The following AOPEP variants were observed in gnomAD, a reference collection of about 807,000 sequenced individuals.
AOPEP encodes the protein aminopeptidase O.
AOPEP carries 77 observed loss-of-function variants against 98.1 expected under a neutral mutation model. That is an observed-to-expected ratio of 0.78 (90% CI 0.65 to 0.95). The LOEUF is 0.95. Ranked by LOEUF, AOPEP falls within the 40% of genes least tolerant of loss-of-function variation. The probability of loss-of-function intolerance (pLI) is 0.00; values close to 1 mark genes in which losing one functional copy is unlikely to be tolerated. For synonymous variants in AOPEP, 346 were observed against 365.3 expected, an observed-to-expected ratio of 0.95 and a Z score of 0.60; for missense variants, 1,024 against 1,024.7, an observed-to-expected ratio of 1.00 and a Z score of 0.01.
At chr9:95,080,022 G>A (rs905331770) in intron 14 of AOPEP, among the ~76,000 whole-genome samples, 3 of 152,188 alleles carry the variant, frequency 2.0e-5, no homozygotes, top group African/African-American at 7.2e-5. Context: ...CTTAAGGAGT[G>A]GTGATTTGAA....
intron 13 of AOPEP, 104 bp downstream of exon 13, chr9:95,005,720 T>G: frequency 1.1e-6 from 1 of 877,514 alleles, no homozygotes; most frequent in Non-Finnish European, 1.9e-6. Context: ...TTAAAAAGTT[T>G]TTGTTATAAT....
intron 2 of AOPEP, among the ~76,000 whole-genome samples, chr9:94,766,282 T>C (rs555563352): frequency 3.3e-5 from 5 of 152,364 alleles, no homozygotes; most frequent in Admixed American, 1.3e-4. Flanking sequence ...CTCACGCGTG[T>C]AATCCCAGCA....
At chr9:95,003,146 G>GTC in intron 11 of AOPEP, among the ~76,000 whole-genome samples, 1 of 148,712 alleles carries the variant, frequency 6.7e-6, no homozygotes. Context: ...TTAAGAATGT[G>GTC]TGTGTGTGTG....
intron 14 of AOPEP, among the ~76,000 whole-genome samples, chr9:95,070,126 A>G (rs1254251774): frequency 1.3e-5 from 2 of 152,238 alleles, no homozygotes; most frequent in South Asian, 2.1e-4. Flanking sequence ...CTGAGCAGGT[A>G]GACGGCCTCC....
chr9:95,076,327 C>T (rs115003288), intron 14 of AOPEP, among the ~76,000 whole-genome samples: 1 of 152,104 alleles, frequency 6.6e-6, no homozygotes, highest in Non-Finnish European at 1.5e-5. Flanking sequence ...ATCTGGACAC[C>T]CCACATCTAG....
chr9:94,785,390 A>G (rs1231717656), intron 3 of AOPEP, among the ~76,000 whole-genome samples: 12 of 152,206 alleles, frequency 7.9e-5, no homozygotes, highest in East Asian at 3.9e-4. Flanking sequence ...GTTATTGTCA[A>G]TACGTCATAC....
At chr9:95,058,474 G>A (rs2067025426) in intron 13 of AOPEP, among the ~76,000 whole-genome samples, 1 of 152,182 alleles carries the variant, frequency 6.6e-6, no homozygotes, top group Admixed American at 6.5e-5. Flanking sequence ...GGTGTTTAGG[G>A]GCTGGTGGTG....
At chr9:94,851,747 A>G (rs2043574933) in intron 5 of AOPEP, among the ~76,000 whole-genome samples, 1 of 148,638 alleles carries the variant, frequency 6.7e-6, no homozygotes. Context: ...TGTAGTAGCT[A>G]AATTAACCTA....
At chr9:94,757,111 A>T (rs1474059599) in intron 1 of AOPEP, among the ~76,000 whole-genome samples, 1 of 152,252 alleles carries the variant, frequency 6.6e-6, no homozygotes, top group Non-Finnish European at 1.5e-5. Flanking sequence ...GTGGGGCAGA[A>T]TAAGCTTAAT....
chr9:94,783,087 C>T (rs927537037), intron 3 of AOPEP, among the ~76,000 whole-genome samples: 1 of 152,160 alleles, frequency 6.6e-6, no homozygotes, highest in Non-Finnish European at 1.5e-5. Context: ...GTTAGCTGAT[C>T]CAGCTTAAGG....
chr9:94,812,850 G>A (rs1850906758), intron 5 of AOPEP, among the ~76,000 whole-genome samples: 2 of 152,126 alleles, frequency 1.3e-5, no homozygotes, highest in Non-Finnish European at 2.9e-5. Flanking sequence ...CCTTAGGATT[G>A]GGAAGGGGAG....
chr9:95,020,143 C>T (rs2063331468), intron 13 of AOPEP: 2 of 152,380 alleles, frequency 1.3e-5, no homozygotes, highest in African/African-American at 4.8e-5. Context: ...TGGCCTGGAA[C>T]TAGAGCCTGG....
At chr9:95,060,285 G>C (rs1888945) in intron 13 of AOPEP, among the ~76,000 whole-genome samples, 136,618 of 152,036 alleles carry the variant, frequency 0.9, 62,193 homozygotes, top group Non-Finnish European at 0.97. Flanking sequence ...CCGCATCTTA[G>C]TTCTGTGAAA....
At chr9:95,114,158 T>C in the AOPEP span, 3 of 203,996 alleles carry the variant, frequency 1.5e-5, no homozygotes, top group Non-Finnish European at 3.1e-5. Flanking sequence ...GAGAGATTTA[T>C]TAGAGAGAAG....
intron 14 of AOPEP, among the ~76,000 whole-genome samples, chr9:95,078,811 G>A (rs1273193798): frequency 6.6e-6 from 1 of 152,236 alleles, no homozygotes; most frequent in Non-Finnish European, 1.5e-5. Context: ...AGAGATGAGG[G>A]ACGGAGGCGT....
chr9:94,971,733 C>T (rs2138466427), intron 10 of AOPEP, among the ~76,000 whole-genome samples: 2 of 152,308 alleles, frequency 1.3e-5, no homozygotes, highest in East Asian at 3.9e-4. Context: ...TCTCCCATAC[C>T]AGGCTTTGGG....
At chr9:95,084,581 C>A (rs1416786847) in intron 16 of AOPEP, among the ~76,000 whole-genome samples, 1 of 152,210 alleles carries the variant, frequency 6.6e-6, no homozygotes. Flanking sequence ...AACTACAAGG[C>A]CAGCTAGTCC....
At chr9:95,082,865 G>T in intron 16 of AOPEP, 146 bp downstream of exon 16, 1 of 887,952 alleles carries the variant, frequency 1.1e-6, no homozygotes, top group Non-Finnish European at 1.7e-6. Context: ...GAGAGTAACT[G>T]GCCAAGTGGG....
intron 1 of AOPEP, among the ~76,000 whole-genome samples, chr9:94,736,181 A>T (rs1327003353): frequency 6.6e-6 from 1 of 152,086 alleles, no homozygotes; most frequent in Non-Finnish European, 1.5e-5. Flanking sequence ...CTTAGAGGGG[A>T]TTCCTATAGG....
Sources: gnomAD v4.1 joint callset for allele counts (sites outside exome capture counted in the v4.1 genomes callset) on GRCh38, gnomAD v4.1.1 for gene constraint, MANE v1.5 for transcripts, NCBI Gene and HGNC (gene_info 2026-07-23, HGNC 2026-07-21) for gene names.